CCDC175: variants seen among roughly 807,000 people sequenced by gnomAD.
CCDC175 encodes coiled-coil domain containing 175.
CCDC175 carries 100 observed loss-of-function variants against 114.6 expected under a neutral mutation model. That is an observed-to-expected ratio of 0.87 (90% CI 0.74 to 1.03). The LOEUF (loss-of-function observed/expected upper bound fraction) is 1.03, where lower values mean the gene tolerates loss of function less well. CCDC175 is among the 50% of genes least tolerant of loss of function. CCDC175 has a pLI of 0.00. For synonymous variants in CCDC175, 306 were observed against 308.7 expected (o/e 0.99, Z 0.09); for missense variants, 880 against 917.8 (o/e 0.96, Z 0.53).
chr14:59,523,294 T>G (rs1361518574), intron 16 of CCDC175, among the ~76,000 whole-genome samples: 1 of 152,222 alleles, frequency 6.6e-6, no homozygotes, highest in Non-Finnish European at 1.5e-5. Flanking sequence ...ACAATTACCT[T>G]TTCAAAGTAC....
chr14:59,532,980 A>G (rs2140010601), intron 13 of CCDC175, among the ~76,000 whole-genome samples: 1 of 152,352 alleles, frequency 6.6e-6, no homozygotes. Flanking sequence ...GTATGCACAC[A>G]TAATTGGAAG....
intron 13 of CCDC175, among the ~76,000 whole-genome samples, chr14:59,533,983 C>CT (rs1377011108): frequency 5.4e-5 from 2 of 36,770 alleles, no homozygotes; most frequent in Non-Finnish European, 9.4e-5. Context: ...GGTGAGACCC[C>CT]TTTTAAAAAA....
chr14:59,560,954 G>A (rs1896194564), intron 7 of CCDC175, among the ~76,000 whole-genome samples, 165 bp downstream of exon 7: 3 of 152,062 alleles, frequency 2.0e-5, no homozygotes, highest in Admixed American at 2.0e-4. Flanking sequence ...CAATGAAAAG[G>A]TGACTCTATA....
At chr14:59,553,255 C>G (rs1439059178) in intron 7 of CCDC175, among the ~76,000 whole-genome samples, 1 of 152,234 alleles carries the variant, frequency 6.6e-6, no homozygotes, top group Non-Finnish European at 1.5e-5. Flanking sequence ...AGCAGATTAA[C>G]AGCTGATCTC....
chr14:59,568,742 G>C lies in CCDC175; in HGVS notation c.356-362C>G, dbSNP rs539908542. Among the ~76,000 whole-genome samples, 4 of 152,306 alleles carry C rather than the reference G, an allele frequency of 2.6e-5. No homozygotes were observed. In the South Asian group the frequency reaches 8.3e-4, roughly 32 times the overall value. On this transcript the variant is annotated intron_variant, in intron 3 of 19. Coordinates refer to ENST00000537690, the MANE Select transcript of CCDC175 (RefSeq NM_001164399.2). ...GTATAACCCAGAAGTACAAGAGGTA[G>C]GGCAAGCATCAGACCAGTGATAGAC...
intron 17 of CCDC175, among the ~76,000 whole-genome samples, chr14:59,512,081 C>T (rs1892789501): frequency 6.6e-6 from 1 of 152,214 alleles, no homozygotes; most frequent in Non-Finnish European, 1.5e-5. Flanking sequence ...CCTGCAATCA[C>T]CCAGCTTTCC....
intron 17 of CCDC175, among the ~76,000 whole-genome samples, chr14:59,512,232 G>A (rs914363975): frequency 4.6e-5 from 7 of 152,200 alleles, no homozygotes; most frequent in African/African-American, 1.7e-4. Context: ...CTAAGAATGG[G>A]AGCTTGGTTT....
chr14:59,520,326 G>A (rs1290629376), intron 17 of CCDC175, among the ~76,000 whole-genome samples: 1 of 152,172 alleles, frequency 6.6e-6, no homozygotes, highest in Non-Finnish European at 1.5e-5. Flanking sequence ...TGTTGATGAG[G>A]ATGTAGAGCA....
At chr14:59,573,964 A>T (rs1224272960) in intron 2 of CCDC175, among the ~76,000 whole-genome samples, 1 of 152,184 alleles carries the variant, frequency 6.6e-6, no homozygotes, top group African/African-American at 2.4e-5. Context: ...AAATGAATAC[A>T]GACTAGATAC....
At chr14:59,540,530 T>C (rs1894710432) in intron 11 of CCDC175, 145 bp downstream of exon 11, 2 of 918,124 alleles carry the variant, frequency 2.2e-6, no homozygotes, top group African/African-American at 3.4e-5. Context: ...TACATCTAGA[T>C]CCGAGAGAAT....
intron 3 of CCDC175, among the ~76,000 whole-genome samples, chr14:59,568,904 A>G (rs575832377): frequency 6.6e-6 from 1 of 152,202 alleles, no homozygotes; most frequent in East Asian, 1.9e-4. Flanking sequence ...AATCCACCCC[A>G]TATTTGCTCT....
intron 14 of CCDC175, 122 bp downstream of exon 14, chr14:59,531,650 G>A (rs756064920): frequency 4.3e-4 from 276 of 636,514 alleles, no homozygotes; most frequent in Non-Finnish European, 6.3e-4. Flanking sequence ...AGGGCTAAAG[G>A]TAATGGGGAA....
At chr14:59,568,738 G>A (rs1407053450) in intron 3 of CCDC175, among the ~76,000 whole-genome samples, 1 of 152,180 alleles carries the variant, frequency 6.6e-6, no homozygotes, top group African/African-American at 2.4e-5. Flanking sequence ...AAGTACAAGA[G>A]GTAGGGCAAG....
intron 13 of CCDC175, among the ~76,000 whole-genome samples, chr14:59,533,201 T>A (rs1456580478): frequency 6.6e-6 from 1 of 152,174 alleles, no homozygotes; most frequent in African/African-American, 2.4e-5. Flanking sequence ...CTTGGACGTA[T>A]CTTCCAGATT....
chr14:59,524,275 A>G (rs1893607899), intron 16 of CCDC175, among the ~76,000 whole-genome samples: 1 of 152,210 alleles, frequency 6.6e-6, no homozygotes. Context: ...TCTTATAAAT[A>G]TCTAATTATT....
rs1201186004 is a variant in CCDC175, at chr14:59,538,203, C to T, written c.1492-49G>A. On this transcript the variant is annotated intron_variant, in intron 12 of 19. Coordinates refer to ENST00000537690, the MANE Select transcript of CCDC175 (RefSeq NM_001164399.2). ...TGTCATTTCTCTTGTAGTGATCAGCCTTACATTTTCGAATAGCCAGGAAAT... is the reference window on the plus strand; with the variant it reads ...TGTCATTTCTCTTGTAGTGATCAGCTTTACATTTTCGAATAGCCAGGAAAT... 2.1e-6 allele frequency: 3 copies of T among 1,441,254 alleles called. No individual in the cohort carries two copies. In the African/African-American group the frequency reaches 4.4e-5, roughly 21 times the overall value. 89.3% of individuals were successfully genotyped at this position (1,441,254 alleles called of 1,614,324 possible). A position where few individuals can be genotyped will look rare whatever the true frequency, so the allele number is the denominator to read the frequency against.
chr14:59,553,552 T>C (rs1389444755), intron 7 of CCDC175, among the ~76,000 whole-genome samples: 6 of 152,142 alleles, frequency 3.9e-5, no homozygotes, highest in East Asian at 3.8e-4. Context: ...AGAAACTGCA[T>C]CAACTAACGA....
intron 19 of CCDC175, among the ~76,000 whole-genome samples, chr14:59,509,734 A>G (rs1156420940): frequency 6.6e-6 from 1 of 152,052 alleles, no homozygotes; most frequent in Non-Finnish European, 1.5e-5. Context: ...GGTCTCGAAC[A>G]CTTGGTCTCA....
intron 8 of CCDC175, among the ~76,000 whole-genome samples, chr14:59,546,800 G>A (rs527351434): frequency 1.3e-5 from 2 of 152,106 alleles, no homozygotes; most frequent in East Asian, 3.9e-4. Context: ...TCATACCACT[G>A]CACTCTAGTC....
Sources: gnomAD v4.1 joint callset for allele counts (sites outside exome capture counted in the v4.1 genomes callset) on GRCh38, gnomAD v4.1.1 for gene constraint, MANE v1.5 for transcripts, NCBI Gene and HGNC (gene_info 2026-07-23, HGNC 2026-07-21) for gene names.